RBFOX1: variants seen among roughly 807,000 people sequenced by gnomAD.
RBFOX1 encodes the protein RNA binding protein fox-1 homolog 1.
Under a neutral mutation model 57.7 loss-of-function variants are expected in RBFOX1, and 8 were observed. The ratio of observed to expected loss-of-function variants is 0.14; its 90% CI spans 0.08 to 0.25. The LOEUF (loss-of-function observed/expected upper bound fraction) is 0.25. Among genes scored for constraint, RBFOX1 ranks in the 10% least tolerant of loss-of-function variants. RBFOX1 has a pLI of 1.00. For synonymous variants in RBFOX1, 326 were observed against 222.4 expected (o/e 1.47, Z -4.15); for missense variants, 611 against 548.5 (o/e 1.11, Z -1.14).
At chr16:6,011,363 T>C (rs545344500) in intron 4 of RBFOX1, among the ~76,000 whole-genome samples, 7 of 152,280 alleles carry the variant, frequency 4.6e-5, no homozygotes, top group Admixed American at 2.0e-4. Context: ...CTTTAGAAAA[T>C]TTACAGAGTG....
intron 4 of RBFOX1, among the ~76,000 whole-genome samples, chr16:7,164,387 C>T (rs552769884): frequency 6.6e-6 from 1 of 152,212 alleles, no homozygotes; most frequent in East Asian, 1.9e-4. Context: ...TGGGCTGGTT[C>T]CATATTTTTG....
At chr16:6,909,679 A>C (rs1020282883) in intron 3 of RBFOX1, among the ~76,000 whole-genome samples, 1 of 152,168 alleles carries the variant, frequency 6.6e-6, no homozygotes, top group African/African-American at 2.4e-5. Flanking sequence ...TCGGAATCCT[A>C]TGTGCCTAAC....
intron 1 of RBFOX1, among the ~76,000 whole-genome samples, chr16:6,044,591 C>T (rs2152423142): frequency 6.6e-6 from 1 of 152,208 alleles, no homozygotes; most frequent in Admixed American, 6.5e-5. Context: ...ACAGCATCTG[C>T]CTTTGATTAA....
At chr16:7,582,372 T>C (rs538318255) in intron 6 of RBFOX1, among the ~76,000 whole-genome samples, 2 of 152,284 alleles carry the variant, frequency 1.3e-5, no homozygotes, top group African/African-American at 2.4e-5. Flanking sequence ...TCTGTAAATT[T>C]TGTCTATAAA....
chr16:5,892,021 T>C (rs531362321), intron 4 of RBFOX1, among the ~76,000 whole-genome samples: 3 of 152,370 alleles, frequency 2.0e-5, no homozygotes, highest in Admixed American at 6.5e-5. Context: ...ATTGTTCACT[T>C]ACTGAATCAT....
intron 2 of RBFOX1, among the ~76,000 whole-genome samples, chr16:6,633,224 C>T (rs1436480259): frequency 6.6e-6 from 1 of 152,052 alleles, no homozygotes; most frequent in Non-Finnish European, 1.5e-5. Context: ...GGCTTATAGA[C>T]CAAGAAACAG....
intron 14 of RBFOX1, among the ~76,000 whole-genome samples, chr16:7,694,883 A>T (rs1019288416): frequency 1.3e-5 from 2 of 152,174 alleles, no homozygotes; most frequent in African/African-American, 4.8e-5. Flanking sequence ...AGTGCACTAG[A>T]GCTTCTGCCT....
At chr16:7,119,767 A>T (rs2066704862) in intron 4 of RBFOX1, among the ~76,000 whole-genome samples, 1 of 152,116 alleles carries the variant, frequency 6.6e-6, no homozygotes, top group Non-Finnish European at 1.5e-5. Context: ...AACATAAGTG[A>T]AGTCTGTCTC....
intron 3 of RBFOX1, among the ~76,000 whole-genome samples, chr16:6,960,948 T>G (rs2082841004): frequency 1.5e-5 from 2 of 137,202 alleles, no homozygotes; most frequent in African/African-American, 5.6e-5. Context: ...GCCAACGTGA[T>G]GAAACTCCAT....
Position 7,037,850 on chromosome 16 carries a change from A to G in RBFOX1, c.-15-14207A>G, listed in dbSNP as rs183632650. ...TCTCAAATGTCTCTCAGTTAATATG[A>G]TCAAGATGACTGCCCAGATAAGGCC... On this transcript the variant is annotated intron_variant, in intron 3 of 15. Coordinates refer to ENST00000550418, the MANE Select transcript of RBFOX1 (RefSeq NM_018723.4). Among the ~76,000 whole-genome samples, 77 of 152,310 alleles carry G rather than the reference A, an allele frequency of 5.1e-4. 1 individual carries two copies. The highest frequency in any genetic ancestry group is 1.8e-3 in the African/African-American group (76 of 41,558).
At chr16:6,101,518 C>T (rs1030947950) in intron 1 of RBFOX1, among the ~76,000 whole-genome samples, 1 of 152,038 alleles carries the variant, frequency 6.6e-6, no homozygotes, top group Non-Finnish European at 1.5e-5. Context: ...CAGAGTTTCG[C>T]TCTTGTTGCC....
intron 2 of RBFOX1, among the ~76,000 whole-genome samples, chr16:5,593,201 T>G (rs989665516): frequency 6.6e-6 from 1 of 152,114 alleles, no homozygotes; most frequent in African/African-American, 2.4e-5. Context: ...GGGACATAGA[T>G]GAAGCTAGAA....
At chr16:6,861,586 A>G (rs1235816625) in intron 3 of RBFOX1, among the ~76,000 whole-genome samples, 3 of 148,116 alleles carry the variant, frequency 2.0e-5, no homozygotes, top group South Asian at 2.2e-4. Flanking sequence ...ATTTCATATG[A>G]AAGTACTAAG....
At chr16:7,652,382 T>C (rs2065255698) in intron 11 of RBFOX1, among the ~76,000 whole-genome samples, 1 of 152,168 alleles carries the variant, frequency 6.6e-6, no homozygotes, top group Admixed American at 6.5e-5. Flanking sequence ...TCAGAGAATT[T>C]TACCCAAGGG....
intron 2 of RBFOX1, among the ~76,000 whole-genome samples, chr16:5,509,037 A>T (rs2043484538): frequency 6.6e-6 from 1 of 152,172 alleles, no homozygotes. Flanking sequence ...ACCCTTACTC[A>T]GTCATGTTGG....
At chr16:5,723,136 G>C (rs1038113094) in intron 3 of RBFOX1, among the ~76,000 whole-genome samples, 3 of 152,198 alleles carry the variant, frequency 2.0e-5, no homozygotes, top group African/African-American at 7.2e-5. Flanking sequence ...CATGCTGAAT[G>C]ACTGGACCAC....
chr16:6,895,166 T>G (rs1043765552), intron 3 of RBFOX1, among the ~76,000 whole-genome samples: 2 of 152,004 alleles, frequency 1.3e-5, no homozygotes, highest in Admixed American at 1.3e-4. Flanking sequence ...ATGATCTATA[T>G]TAACAAAATC....
intron 1 of RBFOX1, among the ~76,000 whole-genome samples, chr16:5,365,359 G>T (rs2065681683): frequency 6.6e-6 from 1 of 152,140 alleles, no homozygotes; most frequent in Admixed American, 6.5e-5. Context: ...AAAGTCTAAA[G>T]ATCCTGGCAT....
chr16:7,424,671 C>G (rs2098591760), intron 4 of RBFOX1, among the ~76,000 whole-genome samples: 1 of 152,000 alleles, frequency 6.6e-6, no homozygotes, highest in Admixed American at 6.6e-5. Context: ...TATGTAGTGC[C>G]CAGGATAAGA....
Sources: gnomAD v4.1 joint callset for allele counts (sites outside exome capture counted in the v4.1 genomes callset) on GRCh38, gnomAD v4.1.1 for gene constraint, MANE v1.5 for transcripts, NCBI Gene and HGNC (gene_info 2026-07-23, HGNC 2026-07-21) for gene names.